The following COL5A2 variants were observed in gnomAD, a reference collection of about 807,000 sequenced individuals.
COL5A2 encodes collagen alpha-2(V) chain.
A neutral mutation model predicts 208.2 loss-of-function variants in COL5A2; 23 were observed. That is an observed-to-expected ratio of 0.11 (90% CI 0.08 to 0.16). The LOEUF is 0.16. Among genes scored for constraint, COL5A2 ranks in the 10% least tolerant of loss-of-function variants. COL5A2 has a pLI of 1.00. For missense variants in COL5A2, 1,590 were observed against 1,956.4 expected, an observed-to-expected ratio of 0.81 and a Z score of 3.53; for synonymous variants, 625 against 628.5, an observed-to-expected ratio of 0.99 and a Z score of 0.08.
chr2:189,187,768 G>C (rs1316041708), intron 1 of COL5A2, among the ~76,000 whole-genome samples: 1 of 152,062 alleles, frequency 6.6e-6, no homozygotes, highest in South Asian at 2.1e-4. Flanking sequence ...AGGAGATCGA[G>C]ACCATCCTGG....
At chr2:189,288,641 G>C in the COL5A2 span, among the ~76,000 whole-genome samples, 98 of 152,144 alleles carry the variant, frequency 6.4e-4, no homozygotes, top group African/African-American at 2.2e-3. Context: ...AAACGTTTAA[G>C]AACAAATACC....
At chr2:189,240,018 A>C in the COL5A2 span, among the ~76,000 whole-genome samples, 1 of 152,186 alleles carries the variant, frequency 6.6e-6, no homozygotes, top group African/African-American at 2.4e-5. Flanking sequence ...TTGTTATAGC[A>C]GTGTTAGAAA....
At chr2:189,426,087 T>G in the COL5A2 span, among the ~76,000 whole-genome samples, 1 of 152,128 alleles carries the variant, frequency 6.6e-6, no homozygotes, top group Admixed American at 6.6e-5. Flanking sequence ...ACTTTGAAAC[T>G]GGGTAATGGG....
chr2:189,073,859 A>G (rs1227544044), intron 17 of COL5A2, among the ~76,000 whole-genome samples: 1 of 152,128 alleles, frequency 6.6e-6, no homozygotes, highest in Non-Finnish European at 1.5e-5. Context: ...TTGTAGAGAT[A>G]TAATTTAAGT....
the COL5A2 span, among the ~76,000 whole-genome samples, chr2:189,436,839 G>A: frequency 3.3e-5 from 5 of 152,134 alleles, no homozygotes; most frequent in Non-Finnish European, 7.4e-5. Flanking sequence ...AACACACACT[G>A]GGGCCTGTCG....
At chr2:189,352,600 T>A in the COL5A2 span, among the ~76,000 whole-genome samples, 1 of 152,238 alleles carries the variant, frequency 6.6e-6, no homozygotes, top group Non-Finnish European at 1.5e-5. Context: ...TGTCTTCTTT[T>A]GAGAAGAGTC....
chr2:189,221,511 T>G (rs924495375), intron 1 of COL5A2, among the ~76,000 whole-genome samples: 2 of 152,052 alleles, frequency 1.3e-5, no homozygotes, highest in Non-Finnish European at 2.9e-5. Flanking sequence ...GATGTTAGAA[T>G]GAAAGGCTAA....
the COL5A2 span, among the ~76,000 whole-genome samples, chr2:189,404,581 T>C: frequency 6.6e-6 from 1 of 152,336 alleles, no homozygotes; most frequent in African/African-American, 2.4e-5. Flanking sequence ...TTCTCCAGCT[T>C]GCAGTTGGCA....
intron 6 of COL5A2, among the ~76,000 whole-genome samples, chr2:189,093,757 C>T (rs1480795214): frequency 6.6e-6 from 1 of 152,144 alleles, no homozygotes; most frequent in Admixed American, 6.5e-5. Flanking sequence ...TTACTTCACA[C>T]TTCATTATAC....
the COL5A2 span, among the ~76,000 whole-genome samples, chr2:189,394,559 C>A: frequency 6.6e-6 from 1 of 152,196 alleles, no homozygotes; most frequent in African/African-American, 2.4e-5. Flanking sequence ...ATGAACTTGT[C>A]CATACTAGCA....
At chr2:189,296,548 T>C in the COL5A2 span, among the ~76,000 whole-genome samples, 1 of 152,252 alleles carries the variant, frequency 6.6e-6, no homozygotes, top group Non-Finnish European at 1.5e-5. Context: ...TAGAGGTCTT[T>C]CATTGTATTA....
At chr2:189,066,539 A>G in intron 22 of COL5A2, 42 bp from the exon 23 acceptor site, 2 of 1,591,424 alleles carry the variant, frequency 1.3e-6, no homozygotes, top group East Asian at 4.5e-5. Context: ...GACCCATCCA[A>G]CCAGTGAATT....
At chr2:189,162,729 C>A (rs1688392312) in intron 1 of COL5A2, among the ~76,000 whole-genome samples, 1 of 152,122 alleles carries the variant, frequency 6.6e-6, no homozygotes, top group Admixed American at 6.5e-5. Context: ...TCCACACACA[C>A]ACTACTTGTA....
chr2:189,205,172 AAC>A (rs1294451019), intron 1 of COL5A2, among the ~76,000 whole-genome samples: 2 of 152,242 alleles, frequency 1.3e-5, no homozygotes, highest in African/African-American at 2.4e-5. Context: ...CTGCCTTAAA[AAC>A]ACAGCTTATT....
chr2:189,223,460 T>C (rs1366772016), intron 1 of COL5A2, among the ~76,000 whole-genome samples: 1 of 151,998 alleles, frequency 6.6e-6, no homozygotes, highest in Non-Finnish European at 1.5e-5. Context: ...AACCAAGAAG[T>C]CTAGAAAAAG....
chr2:189,111,543 A>G (rs1016706505), intron 1 of COL5A2, among the ~76,000 whole-genome samples: 12 of 151,864 alleles, frequency 7.9e-5, no homozygotes, highest in Admixed American at 1.3e-4. Flanking sequence ...ACTTACTTCA[A>G]TGTCATCTCC....
intron 1 of COL5A2, among the ~76,000 whole-genome samples, chr2:189,141,332 C>G (rs965776551): frequency 6.6e-6 from 1 of 152,134 alleles, no homozygotes; most frequent in South Asian, 2.1e-4. Flanking sequence ...CTGATAAATG[C>G]TCACGACTAT....
At chr2:189,085,620 C>T (rs1686640974) in intron 10 of COL5A2, 99 bp downstream of exon 10, 1 of 1,003,102 alleles carries the variant, frequency 1.0e-6, no homozygotes, top group South Asian at 1.3e-5. Context: ...TTTCTTCCTA[C>T]ATTAGGGAGG....
intron 1 of COL5A2, among the ~76,000 whole-genome samples, chr2:189,149,969 A>T (rs1039124073): frequency 6.6e-6 from 1 of 152,230 alleles, no homozygotes; most frequent in African/African-American, 2.4e-5. Context: ...TATGTGTCTT[A>T]TGGCAATATA....
Sources: allele counts gnomAD v4.1 joint callset (sites outside exome capture counted in the v4.1 genomes callset), GRCh38; gene constraint gnomAD v4.1.1; transcripts MANE v1.5; gene names NCBI Gene and HGNC (gene_info 2026-07-23, HGNC 2026-07-21).